The following SPATA13 variants were observed in gnomAD, a reference collection of about 807,000 sequenced individuals.
SPATA13 encodes spermatogenesis-associated protein 13.
Under a neutral mutation model 104.0 loss-of-function variants are expected in SPATA13, and 50 were observed. The ratio of observed to expected loss-of-function variants is 0.48; its 90% CI spans 0.38 to 0.61. The LOEUF is 0.61. SPATA13 is among the 20% of genes least tolerant of loss of function. The probability of loss-of-function intolerance (pLI) is 0.00; values close to 1 mark genes in which losing one functional copy is unlikely to be tolerated. For synonymous variants in SPATA13, 606 were observed against 667.5 expected, an observed-to-expected ratio of 0.91 and a Z score of 1.42; for missense variants, 1,524 against 1,690.6, an observed-to-expected ratio of 0.90 and a Z score of 1.73.
intron 3 of SPATA13, chr13:24,034,842 A>C (rs1285213565): frequency 6.6e-6 from 1 of 152,274 alleles, no homozygotes; most frequent in Admixed American, 6.5e-5. Flanking sequence ...CAGTCTTCTA[A>C]GAGGCTGAGC....
At chr13:24,144,254 T>G (rs1193993243) in intron 3 of SPATA13, among the ~76,000 whole-genome samples, 1 of 152,144 alleles carries the variant, frequency 6.6e-6, no homozygotes, top group Admixed American at 6.5e-5. Context: ...TGATCCACTC[T>G]CCCACATGCC....
intron 1 of SPATA13, among the ~76,000 whole-genome samples, chr13:24,179,563 A>G (rs1382051965): frequency 6.6e-6 from 1 of 151,324 alleles, no homozygotes; most frequent in Admixed American, 6.6e-5. Context: ...GAATCTTTTT[A>G]TCTTGCAAAA....
At chr13:24,260,227 G>C (rs1362508042) in intron 4 of SPATA13, among the ~76,000 whole-genome samples, 1 of 152,200 alleles carries the variant, frequency 6.6e-6, no homozygotes, top group Non-Finnish European at 1.5e-5. Flanking sequence ...GGGATGAAGG[G>C]AGTTAGATTA....
chr13:24,027,504 T>C (rs930266269), intron 3 of SPATA13, among the ~76,000 whole-genome samples: 1 of 152,212 alleles, frequency 6.6e-6, no homozygotes, highest in African/African-American at 2.4e-5. Flanking sequence ...ATAAACTTTT[T>C]ACTTCCTAAT....
chr13:24,017,443 A>G (rs1464045439), intron 2 of SPATA13, among the ~76,000 whole-genome samples: 2 of 152,122 alleles, frequency 1.3e-5, no homozygotes, highest in African/African-American at 2.4e-5. Flanking sequence ...GCTTTTCTCC[A>G]TGCTCTAAAA....
chr13:24,278,800 T>A (rs750560503), intron 4 of SPATA13: 46 of 1,597,982 alleles, frequency 2.9e-5, no homozygotes, highest in African/African-American at 4.1e-5. Context: ...AGAAAAAAAA[T>A]GTGCATCGCT....
chr13:24,112,891 T>G (rs1880693035), intron 3 of SPATA13, among the ~76,000 whole-genome samples: 1 of 152,234 alleles, frequency 6.6e-6, no homozygotes, highest in Non-Finnish European at 1.5e-5. Flanking sequence ...TAAGGCCTCC[T>G]TTCTATGGTT....
At chr13:24,291,176 T>C (rs549883642) in intron 9 of SPATA13, among the ~76,000 whole-genome samples, 1 of 152,308 alleles carries the variant, frequency 6.6e-6, no homozygotes, top group South Asian at 2.1e-4. Flanking sequence ...CTTACCTGTA[T>C]TTTATAAACA....
At chr13:24,041,700 G>A (rs1301779053) in intron 3 of SPATA13, among the ~76,000 whole-genome samples, 1 of 152,180 alleles carries the variant, frequency 6.6e-6, no homozygotes, top group Non-Finnish European at 1.5e-5. Flanking sequence ...GCTGGGGAAA[G>A]GCAGTTGTCA....
intron 11 of SPATA13, among the ~76,000 whole-genome samples, chr13:24,298,335 C>T (rs930115458): frequency 6.6e-6 from 1 of 152,190 alleles, no homozygotes; most frequent in Non-Finnish European, 1.5e-5. Flanking sequence ...CCCATCTCTC[C>T]CTATGAAACT....
chr13:24,130,929 C>T (rs974016605), intron 3 of SPATA13, among the ~76,000 whole-genome samples: 1 of 152,192 alleles, frequency 6.6e-6, no homozygotes. Context: ...TGATGAGCTA[C>T]GGAGGAATGA....
intron 3 of SPATA13, among the ~76,000 whole-genome samples, chr13:24,097,944 A>T (rs1880135340): frequency 6.6e-6 from 1 of 152,208 alleles, no homozygotes; most frequent in African/African-American, 2.4e-5. Context: ...AGAATAAGCC[A>T]CTGTGGTTTT....
chr13:24,258,808 T>C (rs1408447397), intron 4 of SPATA13, among the ~76,000 whole-genome samples: 3 of 152,216 alleles, frequency 2.0e-5, no homozygotes, highest in Non-Finnish European at 4.4e-5. Flanking sequence ...AGGACTATTT[T>C]AAAAGAAATG....
chr13:24,098,925 CAAAAAA>C (rs61641076), intron 3 of SPATA13, among the ~76,000 whole-genome samples: 2 of 79,520 alleles, frequency 2.5e-5, no homozygotes, highest in Non-Finnish European at 5.4e-5. Flanking sequence ...GACTCCATCT[CAAAAAA>C]AAAAAAAAAA....
intron 2 of SPATA13, among the ~76,000 whole-genome samples, chr13:24,246,627 C>A (rs760734749): frequency 2.0e-5 from 3 of 152,060 alleles, no homozygotes; most frequent in Non-Finnish European, 2.9e-5. Context: ...TGGGAAGCTG[C>A]AGTGGGTGGA....
At chr13:24,221,916 G>A (rs943162575) in intron 1 of SPATA13, among the ~76,000 whole-genome samples, 9 of 150,616 alleles carry the variant, frequency 6.0e-5, no homozygotes, top group Admixed American at 3.3e-4. Context: ...AGGTTCAAGC[G>A]ATTCTCCTGC....
At chr13:24,218,630 G>T (rs930887948) in intron 1 of SPATA13, among the ~76,000 whole-genome samples, 1 of 151,956 alleles carries the variant, frequency 6.6e-6, no homozygotes, top group Non-Finnish European at 1.5e-5. Flanking sequence ...CCAGTGGGCC[G>T]CAGGCTGCAT....
At chr13:24,274,480 A>C (rs1874835581) in intron 4 of SPATA13, among the ~76,000 whole-genome samples, 2 of 152,116 alleles carry the variant, frequency 1.3e-5, no homozygotes, top group Admixed American at 6.5e-5. Flanking sequence ...AGGGGGATGG[A>C]CCCTGGAAAT....
intron 2 of SPATA13, among the ~76,000 whole-genome samples, chr13:23,989,848 C>T (rs1186346576): frequency 6.6e-6 from 1 of 152,110 alleles, no homozygotes; most frequent in Non-Finnish European, 1.5e-5. Context: ...AAAAGAGGCC[C>T]CAGAGAGCTG....
Sources: gnomAD v4.1 joint callset for allele counts (sites outside exome capture counted in the v4.1 genomes callset) on GRCh38, gnomAD v4.1.1 for gene constraint, MANE v1.5 for transcripts, NCBI Gene and HGNC (gene_info 2026-07-23, HGNC 2026-07-21) for gene names.